The following DYNC1I1 variants were observed in gnomAD, a reference collection of about 807,000 sequenced individuals.
DYNC1I1 encodes cytoplasmic dynein 1 intermediate chain 1.
Under a neutral mutation model 86.6 loss-of-function variants are expected in DYNC1I1, and 43 were observed. That is an observed-to-expected ratio of 0.50 (90% CI 0.39 to 0.64). DYNC1I1 has a LOEUF of 0.64. Among genes scored for constraint, DYNC1I1 ranks in the 30% least tolerant of loss-of-function variants. The pLI, the probability that DYNC1I1 is intolerant of heterozygous loss-of-function variation, is 0.00. For missense variants in DYNC1I1, 604 were observed against 788.8 expected, an observed-to-expected ratio of 0.77 and a Z score of 2.81; for synonymous variants, 262 against 283.7, an observed-to-expected ratio of 0.92 and a Z score of 0.77.
intron 6 of DYNC1I1, among the ~76,000 whole-genome samples, chr7:95,928,108 A>G (rs1036309413): frequency 3.3e-5 from 5 of 152,366 alleles, no homozygotes; most frequent in East Asian, 3.9e-4. Context: ...ATGGAGAGTC[A>G]GACTTACAAA....
At chr7:96,023,233 C>A (rs1046066429) in intron 10 of DYNC1I1, among the ~76,000 whole-genome samples, 1 of 152,148 alleles carries the variant, frequency 6.6e-6, no homozygotes, top group South Asian at 2.1e-4. Flanking sequence ...GGCAACAATA[C>A]GACCAGTCCC....
At chr7:95,855,979 T>G (rs1302599341) in intron 5 of DYNC1I1, among the ~76,000 whole-genome samples, 1 of 152,220 alleles carries the variant, frequency 6.6e-6, no homozygotes, top group Non-Finnish European at 1.5e-5. Context: ...TTTTCCTTTC[T>G]TCAATAGTAA....
In DYNC1I1 at chr7:95,927,966, A is replaced by C. The variant is rs550107003; in HGVS notation, c.491-49546A>C. On this transcript the variant is annotated intron_variant, in intron 6 of 16. Coordinates refer to ENST00000447467, the MANE Select transcript of DYNC1I1 (RefSeq NM_001135556.2). ...TAGCAGCGTCTGTTTCACAGAACCC[A>C]AGGCCTGAAATAGCAGGAGGGCTGT... is the stretch of plus-strand genomic sequence containing the variant. Among the ~76,000 whole-genome samples the C allele has an allele frequency of 9.2e-5, 14 of 152,316 alleles. No individual in the cohort carries two copies. The South Asian group carries it at 2.7e-3, about 29-fold the overall frequency.
chr7:95,952,069 T>C (rs1250488628), intron 6 of DYNC1I1, among the ~76,000 whole-genome samples: 1 of 152,224 alleles, frequency 6.6e-6, no homozygotes. Context: ...CTCTGGGCTC[T>C]ATCTGAATGA....
chr7:95,779,385 G>C (rs1431979670), intron 1 of DYNC1I1, among the ~76,000 whole-genome samples: 1 of 152,140 alleles, frequency 6.6e-6, no homozygotes, highest in Non-Finnish European at 1.5e-5. Context: ...CTGTAAAATG[G>C]GGAAAATGAT....
At chr7:95,968,323 GA>G (rs1432923968) in intron 6 of DYNC1I1, among the ~76,000 whole-genome samples, 1 of 152,100 alleles carries the variant, frequency 6.6e-6, no homozygotes, top group East Asian at 1.9e-4. Context: ...ATATTAGTGG[GA>G]TGACCTATAT....
chr7:95,828,301 C>T (rs1795247140), intron 5 of DYNC1I1, among the ~76,000 whole-genome samples, 185 bp downstream of exon 5: 1 of 152,094 alleles, frequency 6.6e-6, no homozygotes, highest in Non-Finnish European at 1.5e-5. Flanking sequence ...GAAAACACCA[C>T]AAAAAGATGG....
intron 16 of DYNC1I1, among the ~76,000 whole-genome samples, chr7:96,089,922 G>A (rs147020270): frequency 6.6e-6 from 1 of 152,258 alleles, no homozygotes; most frequent in East Asian, 1.9e-4. Flanking sequence ...GAAGGGATAT[G>A]TGTTTAGTAG....
intron 6 of DYNC1I1, among the ~76,000 whole-genome samples, chr7:95,961,484 C>T (rs1171411365): frequency 1.3e-5 from 2 of 152,300 alleles, no homozygotes; most frequent in South Asian, 2.1e-4. Context: ...CATCTCATGA[C>T]AATAACTTCC....
At chr7:96,056,714 T>C (rs1281363340) in intron 14 of DYNC1I1, among the ~76,000 whole-genome samples, 2 of 152,096 alleles carry the variant, frequency 1.3e-5, no homozygotes, top group East Asian at 3.9e-4. Flanking sequence ...ATATAGTATA[T>C]GCATATAGCA....
At chr7:96,043,246 A>C (rs1355283168) in intron 14 of DYNC1I1, among the ~76,000 whole-genome samples, 1 of 152,070 alleles carries the variant, frequency 6.6e-6, no homozygotes, top group Non-Finnish European at 1.5e-5. Context: ...ACCATAATCT[A>C]GGCAATGATT....
intron 6 of DYNC1I1, among the ~76,000 whole-genome samples, chr7:95,931,951 G>A (rs1791911032): frequency 6.6e-6 from 1 of 152,100 alleles, no homozygotes; most frequent in Non-Finnish European, 1.5e-5. Context: ...TGTCTGAAAG[G>A]TTTTAAAGGA....
chr7:95,972,358 A>G (rs1004133054), intron 6 of DYNC1I1, among the ~76,000 whole-genome samples: 2 of 152,082 alleles, frequency 1.3e-5, no homozygotes, highest in East Asian at 1.9e-4. Context: ...TTTTCCTCCA[A>G]AATGAATCCT....
intron 10 of DYNC1I1, among the ~76,000 whole-genome samples, chr7:96,000,337 A>C (rs1385848362): frequency 7.9e-5 from 12 of 152,214 alleles, no homozygotes; most frequent in Non-Finnish European, 1.5e-4. Flanking sequence ...TCAGGATGGG[A>C]AAACAGAAGA....
At chr7:95,916,659 GT>G in intron 6 of DYNC1I1, among the ~76,000 whole-genome samples, 1 of 152,118 alleles carries the variant, frequency 6.6e-6, no homozygotes, top group African/African-American at 2.4e-5. Context: ...ACCATTCATT[GT>G]TTTTTTGACA....
At chr7:96,076,015 G>A (rs1243975374) in intron 14 of DYNC1I1, 42 bp from the exon 15 acceptor site, 8 of 1,598,202 alleles carry the variant, frequency 5.0e-6, no homozygotes, top group Non-Finnish European at 6.0e-6. Flanking sequence ...GCCCGAGGCA[G>A]CAGCAGCGCC....
chr7:95,993,907 T>G (rs749293225), intron 9 of DYNC1I1, among the ~76,000 whole-genome samples: 4 of 152,174 alleles, frequency 2.6e-5, no homozygotes, highest in Non-Finnish European at 5.9e-5. Flanking sequence ...CTGATACTAT[T>G]TTTAATAGGA....
At chr7:95,875,970 A>G (rs1282311794) in intron 6 of DYNC1I1, among the ~76,000 whole-genome samples, 1 of 151,000 alleles carries the variant, frequency 6.6e-6, no homozygotes, top group Admixed American at 6.5e-5. Flanking sequence ...ATCTCTTGGC[A>G]TACTGACTCT....
intron 6 of DYNC1I1, among the ~76,000 whole-genome samples, chr7:95,909,826 G>T (rs1791281722): frequency 6.6e-6 from 1 of 152,144 alleles, no homozygotes; most frequent in Non-Finnish European, 1.5e-5. Flanking sequence ...GCATCTGGTT[G>T]CTCTTGAGAT....
Sources: allele counts gnomAD v4.1 joint callset (sites outside exome capture counted in the v4.1 genomes callset), GRCh38; gene constraint gnomAD v4.1.1; transcripts MANE v1.5; gene names NCBI Gene and HGNC (gene_info 2026-07-23, HGNC 2026-07-21).